Variants in NHSL2 observed in about 807,000 individuals in gnomAD.
NHSL2 encodes the protein NHS-like protein 2.
A neutral mutation model predicts 53.4 loss-of-function variants in NHSL2; 27 were observed. That is an observed-to-expected ratio of 0.51 (90% confidence interval 0.37 to 0.70). The LOEUF is 0.70. Ranked by LOEUF, NHSL2 falls within the 30% of genes least tolerant of loss-of-function variation. The pLI is 0.00. For missense variants in NHSL2, 892 were observed against 980.1 expected (o/e 0.91, Z 1.20); for synonymous variants, 408 against 404.1 (o/e 1.01, Z -0.12).
intron 1 of NHSL2, among the ~76,000 whole-genome samples, chrX:71,964,045 A>ATATG (rs2147853060): frequency 1.4e-5 from 1 of 72,740 alleles, no homozygotes; most frequent in African/African-American, 6.8e-5. Context: ...ATATATATGT[A>ATATG]TATATATATA....
chrX:72,061,647 C>T (rs2042399745), intron 1 of NHSL2, among the ~76,000 whole-genome samples: 1 of 111,786 alleles, frequency 8.9e-6, no homozygotes, highest in Non-Finnish European at 1.9e-5. Flanking sequence ...CATATCCTGT[C>T]GCTCCCTTGC....
At chrX:72,119,179 C>T (rs1397410558) in intron 1 of NHSL2, among the ~76,000 whole-genome samples, 1 of 111,374 alleles carries the variant, frequency 9.0e-6, no homozygotes, top group Admixed American at 9.5e-5. Flanking sequence ...ATTACTATAG[C>T]ATTGTATAAA....
At chrX:72,024,599 T>A (rs755954733) in intron 1 of NHSL2, among the ~76,000 whole-genome samples, 3 of 111,786 alleles carry the variant, frequency 2.7e-5, no homozygotes, top group Non-Finnish European at 3.8e-5. Flanking sequence ...GTGGTCTAGA[T>A]CACATAGCTA....
At chrX:72,045,592 T>C (rs1415616423) in intron 1 of NHSL2, among the ~76,000 whole-genome samples, 1 of 111,551 alleles carries the variant, frequency 9.0e-6, no homozygotes, top group Non-Finnish European at 1.9e-5. Context: ...GTCCCCCTCT[T>C]ATACCACTTT....
At chrX:72,064,746 G>A (rs2042418094) in intron 1 of NHSL2, among the ~76,000 whole-genome samples, 1 of 112,506 alleles carries the variant, frequency 8.9e-6, no homozygotes, top group Admixed American at 9.3e-5. Flanking sequence ...TCCTCCCCTG[G>A]TGTGCCTAAG....
intron 1 of NHSL2, among the ~76,000 whole-genome samples, chrX:72,033,507 G>A (rs935865371): frequency 2.7e-5 from 3 of 111,996 alleles, no homozygotes; most frequent in African/African-American, 6.5e-5. Context: ...TCTTTACTAC[G>A]TTGAGTCTTC....
In NHSL2 at chrX:72,151,529, C is replaced by T. The variant is rs2042513837; in HGVS notation, c.*7955C>T. 1 of 111,787 alleles carries T rather than the reference C, an allele frequency of 8.9e-6. No homozygotes were observed. The highest frequency in any genetic ancestry group is 9.5e-5 in the Admixed American group (1 of 10,530). 9.2% of individuals were successfully genotyped at this position (111,787 alleles called of 1,213,427 possible). A position where few individuals can be genotyped will look rare whatever the true frequency, so the allele number is the denominator to read the frequency against. On this transcript the variant is annotated 3_prime_UTR_variant, in exon 8 of 8. Transcript: ENST00000633930. ...AGCAGGTGGAGGGGGGCTGCATATG[C>T]CAACCATTACTCTTCAATAGAGTGT...
Position 72,022,703 on chromosome X carries a change from C to T in NHSL2, c.281-109376C>T, listed in dbSNP as rs2042165918. Among the ~76,000 whole-genome samples, 4 of 112,121 alleles carry T rather than the reference C, an allele frequency of 3.6e-5. No homozygotes were observed. In the Admixed American group the frequency reaches 3.8e-4, roughly 11 times the overall value. ...CAACATATGAAGAAGGGTGCACAGA[C>T]ATTCAATCCATGACACTTAGTGTGT... On this transcript the variant is annotated intron_variant, in intron 1 of 7. Transcript: ENST00000633930.
chrX:72,097,119 C>G (rs779903592), intron 1 of NHSL2, among the ~76,000 whole-genome samples: 1 of 112,374 alleles, frequency 8.9e-6, no homozygotes, highest in South Asian at 3.7e-4. Flanking sequence ...TCTAGGTGAT[C>G]TCTTCTGGGA....
chrX:72,057,987 C>A (rs1029311502), intron 1 of NHSL2, among the ~76,000 whole-genome samples: 8 of 112,198 alleles, frequency 7.1e-5, no homozygotes, highest in African/African-American at 2.6e-4. Context: ...TTTTAATATC[C>A]TGTGTGATGA....
At chrX:72,128,584 C>A (rs1485582117) in intron 1 of NHSL2, 1 of 112,876 alleles carries the variant, frequency 8.9e-6, no homozygotes, top group Non-Finnish European at 1.9e-5. Context: ...GAGGCAGCCA[C>A]CCTCTTAAGC....
At chrX:71,979,450 A>C (rs1224102889) in intron 1 of NHSL2, among the ~76,000 whole-genome samples, 1 of 111,696 alleles carries the variant, frequency 9.0e-6, no homozygotes, top group African/African-American at 3.3e-5. Flanking sequence ...AATGATCGCC[A>C]TTCTAACTGG....
intron 5 of NHSL2, among the ~76,000 whole-genome samples, 200 bp downstream of exon 5, chrX:72,137,425 T>G (rs1439333807): frequency 8.9e-6 from 1 of 112,169 alleles, no homozygotes; most frequent in Non-Finnish European, 1.9e-5. Context: ...ATATGGAGAG[T>G]AGGTCTTCCG....
chrX:72,128,385 G>A (rs2042248546), intron 1 of NHSL2: 1 of 112,824 alleles, frequency 8.9e-6, no homozygotes. Context: ...GCCAGTCACT[G>A]TGCAGAAAGT....
At position 72,150,014 on chromosome X, in the gene NHSL2, A is replaced by T. The variant is rs759990624; in HGVS notation, c.*6440A>T. 1 of 112,798 alleles carries T rather than the reference A, an allele frequency of 8.9e-6. No individual in the cohort carries two copies. The highest frequency in any genetic ancestry group is 1.9e-5 in the Non-Finnish European group (1 of 53,349). 9.3% of individuals were successfully genotyped at this position (112,798 alleles called of 1,213,427 possible). A position where few individuals can be genotyped will look rare whatever the true frequency, so the allele number is the denominator to read the frequency against. Reference sequence around the variant, plus strand: ...AAGCACTACAATTTATAGAAGACCCACAGCTGGCTTCTACTTTTATGACAC... The same window carrying T: ...AAGCACTACAATTTATAGAAGACCCTCAGCTGGCTTCTACTTTTATGACAC... On this transcript the variant is annotated 3_prime_UTR_variant, in exon 8 of 8. Coordinates refer to ENST00000633930, the MANE Select transcript of NHSL2 (RefSeq NM_001013627.3).
chrX:72,059,517 T>C (rs1341793142), intron 1 of NHSL2, among the ~76,000 whole-genome samples: 6 of 112,500 alleles, frequency 5.3e-5, no homozygotes, highest in African/African-American at 1.6e-4. Context: ...GAAACCCTCA[T>C]ACCTTTATGC....
intron 1 of NHSL2, among the ~76,000 whole-genome samples, chrX:72,069,436 TGA>T (rs1442665644): frequency 1.8e-5 from 2 of 108,789 alleles, no homozygotes; most frequent in Non-Finnish European, 3.8e-5. Flanking sequence ...AGAGAGAGAC[TGA>T]GAGAGACTGA....
At chrX:72,058,799 C>T (rs2042383786) in intron 1 of NHSL2, among the ~76,000 whole-genome samples, 1 of 112,424 alleles carries the variant, frequency 8.9e-6, no homozygotes, top group Non-Finnish European at 1.9e-5. Context: ...AGAGTGGACA[C>T]TGTCTTTGTC....
At chrX:72,134,248 G>A in intron 3 of NHSL2, 30 bp downstream of exon 3, 1 of 1,154,671 alleles carries the variant, frequency 8.7e-7, no homozygotes, top group Non-Finnish European at 1.2e-6. Flanking sequence ...ACCTGGGAGA[G>A]CCAGCATGCA....
Sources: allele counts gnomAD v4.1 joint callset (sites outside exome capture counted in the v4.1 genomes callset), GRCh38; gene constraint gnomAD v4.1.1; transcripts MANE v1.5; gene names NCBI Gene and HGNC (gene_info 2026-07-23, HGNC 2026-07-21).